Variants in SLC26A3 observed in about 807,000 individuals in gnomAD.
SLC26A3 encodes the protein chloride anion exchanger.
SLC26A3 carries 64 observed loss-of-function variants against 85.6 expected under a neutral mutation model. The observed-to-expected ratio is 0.75, with a 90% CI of 0.61 to 0.92. SLC26A3 has a LOEUF of 0.92. SLC26A3 is among the 40% of genes least tolerant of loss of function. The probability of loss-of-function intolerance (pLI) is 0.00; values close to 1 mark genes in which losing one functional copy is unlikely to be tolerated. For synonymous variants in SLC26A3, 349 were observed against 336.0 expected (o/e 1.04, Z -0.42); for missense variants, 922 against 927.3 (o/e 0.99, Z 0.07).
At chr7:107,794,824 C>A (rs1339580591) in intron 1 of SLC26A3, among the ~76,000 whole-genome samples, 1 of 152,060 alleles carries the variant, frequency 6.6e-6, no homozygotes, top group Non-Finnish European at 1.5e-5. Context: ...CAAAAAGTAA[C>A]AAAATTGACT....
At chr7:107,784,591 C>T (rs910524376) in intron 8 of SLC26A3, among the ~76,000 whole-genome samples, 7 of 152,186 alleles carry the variant, frequency 4.6e-5, no homozygotes, top group African/African-American at 1.7e-4. Context: ...GCCACCACGC[C>T]CAGCTAATTT....
At chr7:107,769,996 TTTTCTCTTTCTTTCTTTC>T (rs1270106307) in intron 18 of SLC26A3, among the ~76,000 whole-genome samples, 63 of 135,282 alleles carry the variant, frequency 4.7e-4, no homozygotes, top group African/African-American at 1.6e-3. Flanking sequence ...TTCCTTCCTT[TTTTCTCTTTCTTTCTTTC>T]TTTCTTTCTT....
intron 11 of SLC26A3, among the ~76,000 whole-genome samples, chr7:107,782,545 T>A (rs541547131): frequency 6.6e-6 from 1 of 152,282 alleles, no homozygotes; most frequent in Non-Finnish European, 1.5e-5. Context: ...CAACATTAAT[T>A]CTATTTGGGG....
intron 12 of SLC26A3, 44 bp from the exon 13 acceptor site, chr7:107,778,325 A>G (rs1185980664): frequency 1.6e-6 from 2 of 1,249,136 alleles, no homozygotes. Context: ...TACTTTGATT[A>G]AAGTACAATG....
In SLC26A3 at chr7:107,767,752, C is replaced by A. The variant is rs1429417967; in HGVS notation, c.2205+14G>T. The A allele has an allele frequency of 6.2e-7, 1 of 1,613,494 alleles. No homozygotes were observed. The highest frequency in any genetic ancestry group is 8.5e-7 in the Non-Finnish European group (1 of 1,179,756). On this transcript the variant is annotated intron_variant, in intron 19 of 20. Coordinates refer to ENST00000340010, the MANE Select transcript of SLC26A3 (RefSeq NM_000111.3). ...CTGCTTATGCAATTGTGAAAGTCAC[C>A]AAAGAGCTGATACCTGACTGGGATT...
intron 7 of SLC26A3, 131 bp downstream of exon 7, chr7:107,787,226 C>A: frequency 1.1e-6 from 1 of 921,978 alleles, no homozygotes; most frequent in African/African-American, 1.6e-5. Context: ...TAAAACCATG[C>A]TAAACATTAT....
chr7:107,794,720 C>T (rs536542491), intron 1 of SLC26A3, 123 bp from the exon 2 acceptor site: 4 of 567,378 alleles, frequency 7.0e-6, no homozygotes, highest in Admixed American at 5.8e-5. Flanking sequence ...GATTAAGGGA[C>T]CTAGATTGTG....
intron 3 of SLC26A3, among the ~76,000 whole-genome samples, chr7:107,793,320 GCCC>G (rs1794435198): frequency 6.6e-6 from 1 of 152,084 alleles, no homozygotes; most frequent in African/African-American, 2.4e-5. Flanking sequence ...ACTCATAATA[GCCC>G]CCAAGTGGAA....
rs150845764 is a variant in SLC26A3, at chr7:107,773,451, G to A, written c.2007+469C>T. ...GTCTCATGGAAAAATGCCCTTTCAA[G>A]AGTCCACTGAACACCACCTTTCCCT... On this transcript the variant is annotated intron_variant, in intron 17 of 20. Coordinates refer to ENST00000340010, the MANE Select transcript of SLC26A3 (RefSeq NM_000111.3). Among the ~76,000 whole-genome samples the A allele has an allele frequency of 5.3e-3, 801 of 152,280 alleles. 9 individuals carry two copies. Among genetic ancestry groups the A allele is most frequent in the African/African-American group, 0.018 (745 of 41,540 alleles).
chr7:107,798,227 G>A (rs1021876891), intron 1 of SLC26A3, among the ~76,000 whole-genome samples: 1 of 149,884 alleles, frequency 6.7e-6, no homozygotes, highest in Non-Finnish European at 1.5e-5. Context: ...CATACACGTT[G>A]TTGTTCTCTG....
intron 12 of SLC26A3, among the ~76,000 whole-genome samples, chr7:107,779,153 T>C (rs1248358082): frequency 2.0e-5 from 3 of 152,214 alleles, no homozygotes; most frequent in Non-Finnish European, 2.9e-5. Context: ...CTAGTTATGA[T>C]CTTTAAATAC....
Position 107,777,854 on chromosome 7 carries a change from A to G in SLC26A3, c.1514+321T>C, listed in dbSNP as rs1794144940. ...TAACAAGTACAAGGCAAAGACATTA[A>G]ACCTGCTTGGAATAGAATTACTTCT... On this transcript the variant is annotated intron_variant, in intron 13 of 20. Coordinates refer to ENST00000340010, the MANE Select transcript of SLC26A3 (RefSeq NM_000111.3). Among the ~76,000 whole-genome samples, 3 of 152,332 alleles carry G rather than the reference A, an allele frequency of 2.0e-5. No individual in the cohort carries two copies. In the South Asian group the frequency reaches 6.2e-4, roughly 32 times the overall value.
chr7:107,784,810 G>C (rs757009455), intron 8 of SLC26A3, among the ~76,000 whole-genome samples: 1 of 152,124 alleles, frequency 6.6e-6, no homozygotes, highest in Non-Finnish European at 1.5e-5. Flanking sequence ...AAAACACAAA[G>C]TGCCTGTTAG....
At chr7:107,770,175 T>TGAGACAGGG (rs1794000033) in intron 18 of SLC26A3, among the ~76,000 whole-genome samples, 6 of 12,922 alleles carry the variant, frequency 4.6e-4, no homozygotes, top group African/African-American at 2.2e-3. Flanking sequence ...TTTTTTTTTT[T>TGAGACAGGG]TTTTTTAAAA....
chr7:107,770,053 T>TTTCTTTC (rs1584400379), intron 18 of SLC26A3, among the ~76,000 whole-genome samples: 1 of 101,858 alleles, frequency 9.8e-6, no homozygotes, highest in Non-Finnish European at 2.3e-5. Flanking sequence ...TTTCTTTCTC[T>TTTCTTTC]TTTCTTTCTT....
intron 17 of SLC26A3, among the ~76,000 whole-genome samples, chr7:107,773,564 T>C (rs190617649): frequency 3.3e-5 from 5 of 152,352 alleles, no homozygotes; most frequent in Admixed American, 3.3e-4. Context: ...GTTTTTTTTG[T>C]TGCTGTTTTT....
intron 6 of SLC26A3, among the ~76,000 whole-genome samples, chr7:107,788,751 TTTTTCTTTTC>T (rs1247447126): frequency 6.6e-6 from 1 of 151,422 alleles, no homozygotes; most frequent in Non-Finnish European, 1.5e-5. Context: ...TTCGTTTCCT[TTTTTCTTTTC>T]TTTTCTTTTT....
At chr7:107,784,033 A>G (rs569704345) in intron 8 of SLC26A3, among the ~76,000 whole-genome samples, 2 of 152,114 alleles carry the variant, frequency 1.3e-5, no homozygotes, top group Non-Finnish European at 2.9e-5. Flanking sequence ...TGTATCTTAA[A>G]CTCAACATCA....
chr7:107,791,558 G>A (rs929220098), intron 4 of SLC26A3, among the ~76,000 whole-genome samples: 1 of 152,080 alleles, frequency 6.6e-6, no homozygotes, highest in Admixed American at 6.6e-5. Flanking sequence ...GTTGCAGTGA[G>A]CTGAGATCGT....
Sources: allele counts gnomAD v4.1 joint callset (sites outside exome capture counted in the v4.1 genomes callset), GRCh38; gene constraint gnomAD v4.1.1; transcripts MANE v1.5; gene names NCBI Gene and HGNC (gene_info 2026-07-23, HGNC 2026-07-21).